The following SHANK2 variants were observed in gnomAD, a reference collection of about 807,000 sequenced individuals.
The protein encoded by SHANK2 is SH3 and multiple ankyrin repeat domains protein 2.
In SHANK2, 43 loss-of-function variants were observed where a neutral mutation model predicts 133.7. The observed-to-expected ratio is 0.32, with a 90% CI of 0.25 to 0.41. SHANK2 has a LOEUF of 0.41. SHANK2 is among the 10% of genes least tolerant of loss of function. The probability of loss-of-function intolerance (pLI) is 1.00; values close to 1 mark genes in which losing one functional copy is unlikely to be tolerated. For synonymous variants in SHANK2, 1,017 were observed against 952.8 expected, an observed-to-expected ratio of 1.07 and a Z score of -1.24; for missense variants, 1,994 against 2,235.8, an observed-to-expected ratio of 0.89 and a Z score of 2.18.
intron 17 of SHANK2, among the ~76,000 whole-genome samples, chr11:70,551,513 G>A (rs2059768386): frequency 6.6e-6 from 1 of 152,170 alleles, no homozygotes; most frequent in Non-Finnish European, 1.5e-5. Context: ...ATCTACCCCC[G>A]GCCTCGGCAG....
chr11:70,533,107 C>A (rs192304837), intron 17 of SHANK2, among the ~76,000 whole-genome samples: 4 of 152,258 alleles, frequency 2.6e-5, no homozygotes, highest in South Asian at 4.1e-4. Context: ...ATGGGAGGGA[C>A]GGCCCTTGGG....
intron 17 of SHANK2, among the ~76,000 whole-genome samples, chr11:70,582,677 C>T (rs1021208749): frequency 2.0e-5 from 3 of 152,202 alleles, no homozygotes; most frequent in Admixed American, 1.3e-4. Flanking sequence ...CCGATGCTGT[C>T]GGGGTCCCTG....
chr11:70,903,726 C>A (rs1555077341), intron 10 of SHANK2, among the ~76,000 whole-genome samples: 1 of 152,206 alleles, frequency 6.6e-6, no homozygotes, highest in East Asian at 1.9e-4. Context: ...CCTGTTGTCT[C>A]TTCTGCCACA....
At chr11:71,163,093 A>AAAAATATATATATATATATATATATAT in intron 2 of SHANK2, among the ~76,000 whole-genome samples, 2 of 84,708 alleles carry the variant, frequency 2.4e-5, no homozygotes, top group Non-Finnish European at 2.5e-5. Context: ...AAAAAAAAAA[A>AAAAATATATATATATATATATATATAT]ATACATATAT....
At chr11:70,680,727 C>A (rs1487371406) in intron 15 of SHANK2, among the ~76,000 whole-genome samples, 2 of 152,194 alleles carry the variant, frequency 1.3e-5, no homozygotes, top group East Asian at 3.9e-4. Context: ...CCATGCCACC[C>A]CAGCCTCTCT....
At chr11:71,253,174 C>A (rs1169548019), upstream of SHANK2, among the ~76,000 whole-genome samples, 4 of 152,162 alleles carry the variant, frequency 2.6e-5, no homozygotes, top group Admixed American at 2.0e-4. Flanking sequence ...CAAAAGCCAA[C>A]GGCTCGGGTG....
rs1953421126 is a variant in SHANK2, at chr11:71,175,556, GAGAGAGAGAGAGAGAGAGA to G, written c.-12-28237_-12-28219del. ...AGACAGAGGGAGAGGGAGAGGGAGA[GAGAGAGAGAGAGAGAGAGA>G]GAGAGAGAGAGAGAGAGAGAGAGAG... On this transcript the variant is annotated intron_variant, in intron 2 of 25. Coordinates refer to ENST00000601538, the MANE Select transcript of SHANK2 (RefSeq NM_012309.5). This position sits in a 1 kb window ranked among gnomAD's most constrained non-coding sequence, Gnocchi z 4.2. Among the ~76,000 whole-genome samples the G allele has an allele frequency of 8.5e-5, 5 of 58,564 alleles. No homozygotes were observed. Among genetic ancestry groups the G allele is most frequent in the South Asian group, 5.9e-4 (1 of 1,686 alleles). 38.4% of individuals were successfully genotyped at this position (58,564 alleles called of 152,430 possible). A position where few individuals can be genotyped will look rare whatever the true frequency, so the allele number is the denominator to read the frequency against.
intron 11 of SHANK2, chr11:70,864,623 T>C (rs1439202433): frequency 6.6e-6 from 1 of 152,294 alleles, no homozygotes; most frequent in Non-Finnish European, 1.5e-5. Flanking sequence ...CAAATTCATA[T>C]GTTGAAGTCC....
rs570040855 is a variant in SHANK2, at chr11:70,801,325, C to T, written c.1664-2769G>A. 5.3e-5 allele frequency among the ~76,000 whole-genome samples: 8 copies of T among 152,334 alleles called. No individual in the cohort carries two copies. In the South Asian group the frequency reaches 1.7e-3, roughly 32 times the overall value. ...GACGTGCTGCAAGGGGTCCCCCCAA[C>T]ACGGGGAGCCTTCATGTCAGGGGCG... On this transcript the variant is annotated intron_variant, in intron 13 of 25. Coordinates refer to ENST00000601538, the MANE Select transcript of SHANK2 (RefSeq NM_012309.5).
intron 17 of SHANK2, among the ~76,000 whole-genome samples, chr11:70,658,910 C>T (rs2061445337): frequency 6.6e-6 from 1 of 152,224 alleles, no homozygotes; most frequent in Non-Finnish European, 1.5e-5. Context: ...AGGCTGGGCT[C>T]AGGGTGACAT....
At chr11:71,246,605 A>G (rs191162980) in intron 1 of SHANK2, among the ~76,000 whole-genome samples, 13 of 152,274 alleles carry the variant, frequency 8.5e-5, no homozygotes, top group Non-Finnish European at 1.8e-4. Flanking sequence ...ACGTAGACCC[A>G]GCTCAGTCTA....
rs549258951 is a variant in SHANK2, at chr11:70,875,780, T to C, written c.1174+20721A>G. On this transcript the variant is annotated intron_variant, in intron 11 of 25. Coordinates refer to ENST00000601538, the MANE Select transcript of SHANK2 (RefSeq NM_012309.5). ...TGAAGTGGGAGGATTATTTGAGCCC[T>C]GGGAGGTCGAGACCGCAGTTGGCGG... 1.5e-3 allele frequency among the ~76,000 whole-genome samples: 224 copies of C among 146,068 alleles called. 2 individuals are homozygous for C. Among genetic ancestry groups the C allele is most frequent in the Non-Finnish European group, 4.8e-4 (32 of 66,964 alleles).
At chr11:70,550,505 T>C (rs1554977662) in intron 17 of SHANK2, among the ~76,000 whole-genome samples, 1 of 152,186 alleles carries the variant, frequency 6.6e-6, no homozygotes. Flanking sequence ...AAGACTAAAG[T>C]CTAGCCCACT....
intron 1 of SHANK2, among the ~76,000 whole-genome samples, chr11:71,226,233 C>T (rs1207720285): frequency 6.6e-6 from 1 of 152,190 alleles, no homozygotes; most frequent in Non-Finnish European, 1.5e-5. Context: ...AATCAGTGAA[C>T]TGGAAGACAG....
Position 70,882,937 on chromosome 11 carries a change from C to A in SHANK2, c.1174+13564G>T, listed in dbSNP as rs1417070779. Among the ~76,000 whole-genome samples the A allele has an allele frequency of 6.6e-6, 1 of 152,018 alleles. No individual in the cohort carries two copies. Among genetic ancestry groups the A allele is most frequent in the African/African-American group, 2.4e-5 (1 of 41,368 alleles). On this transcript the variant is annotated intron_variant, in intron 11 of 25. Transcript: ENST00000601538. This position sits in a 1 kb window ranked among gnomAD's most constrained non-coding sequence, Gnocchi z 4.2. ...GGCAGGAGGCAGGTGGAGGTGAGGG[C>A]GGGCTTGCCTGCGGCCTGTGGGAGG... is the stretch of plus-strand genomic sequence containing the variant.
At chr11:70,611,841 A>T (rs1314433981) in intron 17 of SHANK2, among the ~76,000 whole-genome samples, 3 of 152,150 alleles carry the variant, frequency 2.0e-5, no homozygotes, top group Admixed American at 1.3e-4. Flanking sequence ...CTTCGTTTCT[A>T]CTGAAAATGG....
At chr11:71,154,449 C>T (rs1362417014) in intron 2 of SHANK2, among the ~76,000 whole-genome samples, 1 of 152,198 alleles carries the variant, frequency 6.6e-6, no homozygotes, top group Non-Finnish European at 1.5e-5. Flanking sequence ...GGAGGCCAGC[C>T]GGGCAGAAGA....
intron 2 of SHANK2, among the ~76,000 whole-genome samples, chr11:71,212,704 G>T (rs552562064): frequency 6.6e-6 from 1 of 152,308 alleles, no homozygotes; most frequent in Admixed American, 6.5e-5. Context: ...AGTCCTCAAA[G>T]GGTTCCAGCA....
chr11:70,599,605 C>CAAAAAAAAAAAAAAAAAA, intron 17 of SHANK2, among the ~76,000 whole-genome samples: 1 of 30,298 alleles, frequency 3.3e-5, no homozygotes, highest in East Asian at 1.1e-3. Context: ...GACTCCGTCT[C>CAAAAAAAAAAAAAAAAAA]AAAAAAAAAA....
Sources: gnomAD v4.1 joint callset for allele counts (sites outside exome capture counted in the v4.1 genomes callset) on GRCh38, gnomAD v4.1.1 for gene constraint, Gnocchi (gnomAD v3.1) non-coding constraint, MANE v1.5 for transcripts, NCBI Gene and HGNC (gene_info 2026-07-23, HGNC 2026-07-21) for gene names.